Variants in ZFHX3 observed in about 807,000 individuals in gnomAD.
The protein encoded by ZFHX3 is zinc finger homeobox protein 3.
In ZFHX3, 42 loss-of-function variants were observed where a neutral mutation model predicts 279.1. That is an observed-to-expected ratio of 0.15 (90% confidence interval 0.12 to 0.19). The LOEUF is 0.19. ZFHX3 is among the 10% of genes least tolerant of loss of function. The pLI is 1.00. For missense variants in ZFHX3, 4,981 were observed against 4,754.0 expected, an observed-to-expected ratio of 1.05 and a Z score of -1.40; for synonymous variants, 2,293 against 1,957.8, an observed-to-expected ratio of 1.17 and a Z score of -4.52.
At chr16:73,035,200 T>G (rs1041457335) in intron 1 of ZFHX3, among the ~76,000 whole-genome samples, 4 of 152,242 alleles carry the variant, frequency 2.6e-5, no homozygotes, top group Admixed American at 2.0e-4. Context: ...TTATTAATAT[T>G]GATTACCTGT....
chr16:73,885,887 T>C (rs148655866), intron 1 of ZFHX3, among the ~76,000 whole-genome samples: 1 of 152,276 alleles, frequency 6.6e-6, no homozygotes, highest in Non-Finnish European at 1.5e-5. Context: ...AAGCAGTAAG[T>C]ACCCCCCTGA....
At chr16:73,728,021 C>A (rs1446486223) in intron 1 of ZFHX3, among the ~76,000 whole-genome samples, 2 of 100,396 alleles carry the variant, frequency 2.0e-5, no homozygotes, top group Non-Finnish European at 3.9e-5. Flanking sequence ...TTGTGCCCCC[C>A]CCCCGCCCCC....
At chr16:73,128,309 C>T (rs973439062) in intron 7 of ZFHX3, among the ~76,000 whole-genome samples, 6 of 152,160 alleles carry the variant, frequency 3.9e-5, no homozygotes, top group African/African-American at 1.4e-4. Flanking sequence ...AACAAATTAC[C>T]ATGTGCTGAA....
At chr16:73,061,371 C>CTTTTTTTTTTTTTT (rs55725932), upstream of ZFHX3, 1 of 133,794 alleles carries the variant, frequency 7.5e-6, no homozygotes. Context: ...TCTTTCTTGC[C>CTTTTTTTTTTTTTT]TTTTTTTTTT....
chr16:72,829,919 G>C, intron 4 of ZFHX3, 60 bp from the exon 5 acceptor site: 1 of 1,587,610 alleles, frequency 6.3e-7, no homozygotes. Context: ...AGGACTTTTG[G>C]CCTCTGTTGC....
chr16:72,787,699 C>A lies in ZFHX3; in HGVS notation c.10577G>T (p.Gly3526Val), dbSNP rs748193178. 2 of 1,314,288 alleles carry A rather than the reference C, an allele frequency of 1.5e-6. No individual in the cohort carries two copies. Among genetic ancestry groups the A allele is most frequent in the Admixed American group, 2.5e-5 (1 of 39,358 alleles). The allele number at this position is 1,314,288 out of a possible 1,614,324, so 81.4% of individuals were successfully genotyped here. The stretch of plus-strand genomic sequence containing the variant: ...GCACGCCAGGCAGTGGTACGAGCCG[C>A]CGCCGCCGCCGCCGCCGCCACCGCC... Reference protein sequence around the residue: ...GGGGGGGGGGGGSYHCLACES... With the variant: ...GGGGGGGGGGVGSYHCLACES... Residue 3526 changes from glycine to valine, a missense_variant, in exon 10 of 10, where the codon GGC becomes GTC. Transcript: ENST00000268489.
At chr16:73,090,380 C>G (rs1199372457) in intron 8 of ZFHX3, among the ~76,000 whole-genome samples, 5 of 152,084 alleles carry the variant, frequency 3.3e-5, no homozygotes, top group Non-Finnish European at 7.4e-5. Context: ...GTGACAGAGA[C>G]CCTGTCTCAA....
intron 3 of ZFHX3, among the ~76,000 whole-genome samples, chr16:73,377,712 A>G (rs904563018): frequency 1.3e-5 from 2 of 151,482 alleles, no homozygotes; most frequent in East Asian, 1.9e-4. Flanking sequence ...ATTATAAACA[A>G]TGCTGCAATG....
chr16:73,295,194 G>C (rs904174497), intron 4 of ZFHX3, among the ~76,000 whole-genome samples: 5 of 152,106 alleles, frequency 3.3e-5, no homozygotes, highest in African/African-American at 1.2e-4. Context: ...CAGCCTGGGG[G>C]ACAGAGCAGG....
chr16:73,308,263 ATATATATATATATATTTATT>A (rs1405803302), intron 4 of ZFHX3, among the ~76,000 whole-genome samples: 252 of 22,620 alleles, frequency 0.011, 7 homozygotes, highest in African/African-American at 0.019. Context: ...ATATATATAT[ATATATATATATATATTTATT>A]TATTTATTTT....
chr16:73,774,945 G>A (rs773596949), intron 1 of ZFHX3, among the ~76,000 whole-genome samples: 14 of 151,982 alleles, frequency 9.2e-5, no homozygotes, highest in South Asian at 2.1e-4. Flanking sequence ...ATCCTTTTAC[G>A]TCTCCCTATC....
At chr16:72,978,462 A>G (rs1041442274) in intron 1 of ZFHX3, among the ~76,000 whole-genome samples, 8 of 152,238 alleles carry the variant, frequency 5.3e-5, no homozygotes, top group African/African-American at 1.9e-4. Context: ...CTTGCAGGCC[A>G]TAAGCCTCAA....
intron 2 of ZFHX3, among the ~76,000 whole-genome samples, chr16:73,660,739 A>T (rs536737832): frequency 1.3e-5 from 2 of 152,298 alleles, no homozygotes; most frequent in Non-Finnish European, 2.9e-5. Flanking sequence ...TCAAAAACAA[A>T]ATGTGACAGG....
intron 1 of ZFHX3, among the ~76,000 whole-genome samples, chr16:72,979,164 G>C (rs1404041982): frequency 2.6e-5 from 4 of 152,220 alleles, no homozygotes; most frequent in Non-Finnish European, 5.9e-5. Flanking sequence ...TGTAGCAGAT[G>C]ATAGATTGTG....
chr16:72,977,181 C>A (rs922498440), intron 1 of ZFHX3, among the ~76,000 whole-genome samples: 2 of 152,208 alleles, frequency 1.3e-5, no homozygotes, highest in Admixed American at 1.3e-4. Flanking sequence ...TCCTCACCTG[C>A]CCTTTGCATT....
rs2018978951 is a variant in ZFHX3, at chr16:73,486,690, C to T, written c.-1546-30432G>A. ...GGTGTGATGCAGTTTTTATTCTAGCCCAGGACTTTCCTGGTTTCCTGCTAA... is the reference window on the plus strand; with the variant it reads ...GGTGTGATGCAGTTTTTATTCTAGCTCAGGACTTTCCTGGTTTCCTGCTAA... On this transcript the variant is annotated intron_variant, in intron 2 of 17. Coordinates refer to the ZFHX3 transcript ENST00000641206. The T allele has an allele frequency of 7.0e-6, 3 of 426,318 alleles. No homozygotes were observed. The Admixed American group carries it at 7.9e-5, about 11-fold the overall frequency. The allele number at this position is 426,318 out of a possible 1,614,324, so 26.4% of individuals were successfully genotyped here.
At chr16:73,008,539 T>C (rs1327277176) in intron 1 of ZFHX3, among the ~76,000 whole-genome samples, 1 of 152,182 alleles carries the variant, frequency 6.6e-6, no homozygotes, top group African/African-American at 2.4e-5. Context: ...GTAGAAGGGA[T>C]ATAACCACCA....
chr16:73,233,660 A>T (rs1477945086), intron 5 of ZFHX3, among the ~76,000 whole-genome samples: 2 of 152,168 alleles, frequency 1.3e-5, no homozygotes, highest in African/African-American at 4.8e-5. Flanking sequence ...TGGTGATTTT[A>T]ATACAGTGTT....
chr16:73,822,329 C>T (rs116923195), intron 1 of ZFHX3, among the ~76,000 whole-genome samples: 1 of 152,158 alleles, frequency 6.6e-6, no homozygotes, highest in African/African-American at 2.4e-5. Context: ...ATAGTTCAGT[C>T]ATATTAGGTT....
Sources: allele counts gnomAD v4.1 joint callset (sites outside exome capture counted in the v4.1 genomes callset), GRCh38; gene constraint gnomAD v4.1.1; transcripts MANE v1.5; gene names NCBI Gene and HGNC (gene_info 2026-07-23, HGNC 2026-07-21).